GPC6: variants seen among roughly 807,000 people sequenced by gnomAD.
GPC6 encodes the protein glypican-6.
A neutral mutation model predicts 55.2 loss-of-function variants in GPC6; 14 were observed. The observed-to-expected ratio is 0.25, with a 90% confidence interval of 0.17 to 0.40. GPC6 has a LOEUF of 0.40. GPC6 is among the 10% of genes least tolerant of loss of function. The pLI is 1.00. For missense variants in GPC6, 641 were observed against 708.5 expected, an observed-to-expected ratio of 0.90 and a Z score of 1.08; for synonymous variants, 278 against 259.6, an observed-to-expected ratio of 1.07 and a Z score of -0.68.
chr13:93,587,988 T>C (rs1166705729), intron 2 of GPC6, among the ~76,000 whole-genome samples: 4 of 152,196 alleles, frequency 2.6e-5, no homozygotes, highest in South Asian at 2.1e-4. Context: ...TGAACTTCTT[T>C]TAGCCTCCCT....
intron 3 of GPC6, among the ~76,000 whole-genome samples, chr13:94,006,794 G>T (rs1882037141): frequency 6.6e-6 from 1 of 152,118 alleles, no homozygotes; most frequent in Non-Finnish European, 1.5e-5. Context: ...GCATTTTAAG[G>T]AGTAGTTTCA....
intron 4 of GPC6, among the ~76,000 whole-genome samples, chr13:94,217,000 A>G (rs1291505222): frequency 6.6e-6 from 1 of 152,146 alleles, no homozygotes; most frequent in African/African-American, 2.4e-5. Context: ...TCATCGACAA[A>G]ATGGAGATAT....
intron 1 of GPC6, among the ~76,000 whole-genome samples, chr13:93,279,441 G>A (rs1877872508): frequency 6.6e-6 from 1 of 152,202 alleles, no homozygotes; most frequent in African/African-American, 2.4e-5. Flanking sequence ...ATTTGCATAT[G>A]AAAGATTTGT....
At chr13:94,125,375 T>A (rs1000422204) in intron 4 of GPC6, among the ~76,000 whole-genome samples, 1 of 152,108 alleles carries the variant, frequency 6.6e-6, no homozygotes, top group Admixed American at 6.6e-5. Context: ...CGTCTTATGA[T>A]CCTATGAAAG....
chr13:93,381,611 G>A (rs1875170987), intron 1 of GPC6, among the ~76,000 whole-genome samples: 1 of 152,066 alleles, frequency 6.6e-6, no homozygotes, highest in African/African-American at 2.4e-5. Flanking sequence ...CCTTCTGTCT[G>A]GGAACGTGTC....
At chr13:93,664,378 G>A (rs2139617598) in intron 2 of GPC6, among the ~76,000 whole-genome samples, 1 of 152,174 alleles carries the variant, frequency 6.6e-6, no homozygotes, top group Middle Eastern at 3.4e-3. Context: ...TTTAACTTAA[G>A]AAAAGCACAT....
intron 3 of GPC6, among the ~76,000 whole-genome samples, chr13:93,844,922 T>C (rs1888113103): frequency 1.3e-5 from 2 of 152,030 alleles, no homozygotes; most frequent in African/African-American, 4.8e-5. Flanking sequence ...CATTGCTTGT[T>C]TTTCTGAGGT....
At chr13:94,117,976 T>C (rs1460983361) in intron 4 of GPC6, among the ~76,000 whole-genome samples, 3 of 152,130 alleles carry the variant, frequency 2.0e-5, no homozygotes. Context: ...GTTTGAGATA[T>C]GTTTCTGCTT....
chr13:93,359,409 A>G (rs1880968397), intron 1 of GPC6, among the ~76,000 whole-genome samples: 1 of 152,208 alleles, frequency 6.6e-6, no homozygotes, highest in Non-Finnish European at 1.5e-5. Flanking sequence ...CATCTGTAAA[A>G]TGGGATAATC....
intron 4 of GPC6, among the ~76,000 whole-genome samples, chr13:94,164,686 G>T (rs984959829): frequency 2.6e-5 from 4 of 152,156 alleles, no homozygotes; most frequent in African/African-American, 9.7e-5. Context: ...TACAGTGATA[G>T]AGCGGATAAC....
chr13:93,992,805 A>G (rs1274929534), intron 3 of GPC6, among the ~76,000 whole-genome samples: 1 of 152,192 alleles, frequency 6.6e-6, no homozygotes, highest in Admixed American at 6.5e-5. Context: ...ATTTAAAAGG[A>G]CGGTGTATAG....
intron 1 of GPC6, among the ~76,000 whole-genome samples, chr13:93,291,881 C>T (rs753021062): frequency 4.6e-5 from 7 of 151,928 alleles, no homozygotes; most frequent in Non-Finnish European, 7.4e-5. Flanking sequence ...TCCTGTTCAG[C>T]GTTTGTATAT....
intron 2 of GPC6, among the ~76,000 whole-genome samples, chr13:93,704,087 C>G (rs76334581): frequency 1.1e-3 from 166 of 152,072 alleles, no homozygotes; most frequent in African/African-American, 3.7e-3. Flanking sequence ...TCTTTGAGCT[C>G]GAGCCCAATA....
chr13:93,491,842 G>T (rs71429529), intron 1 of GPC6, among the ~76,000 whole-genome samples: 1 of 99,028 alleles, frequency 1.0e-5, no homozygotes, highest in Admixed American at 1.0e-4. Context: ...GGTATGCGGC[G>T]TTATTTCTGA....
At chr13:93,613,085 C>T (rs1265676452) in intron 2 of GPC6, among the ~76,000 whole-genome samples, 1 of 152,134 alleles carries the variant, frequency 6.6e-6, no homozygotes, top group Admixed American at 6.5e-5. Flanking sequence ...CTTATAATGG[C>T]TTTCAAAGGA....
chr13:93,255,336 T>A (rs951707433), intron 1 of GPC6, among the ~76,000 whole-genome samples: 2 of 152,232 alleles, frequency 1.3e-5, no homozygotes, highest in Non-Finnish European at 2.9e-5. Context: ...ATCTTCTTTT[T>A]ATACTAGAAC....
At chr13:93,385,385 C>T (rs1777090328) in intron 1 of GPC6, among the ~76,000 whole-genome samples, 2 of 152,222 alleles carry the variant, frequency 1.3e-5, no homozygotes. Context: ...TAATGGGAAG[C>T]CCTTGATAGG....
intron 1 of GPC6, among the ~76,000 whole-genome samples, chr13:93,479,830 G>A (rs1417489540): frequency 1.3e-5 from 2 of 152,152 alleles, no homozygotes; most frequent in East Asian, 3.9e-4. Context: ...TAATCATACG[G>A]TGTAGTCTTC....
intron 2 of GPC6, among the ~76,000 whole-genome samples, chr13:93,693,838 C>A (rs1395176582): frequency 1.3e-5 from 2 of 152,024 alleles, no homozygotes; most frequent in Admixed American, 1.3e-4. Context: ...AGAAGCAGAG[C>A]TTAGGAGTAC....
Sources: allele counts gnomAD v4.1 joint callset (sites outside exome capture counted in the v4.1 genomes callset), GRCh38; gene constraint gnomAD v4.1.1; transcripts MANE v1.5; gene names NCBI Gene and HGNC (gene_info 2026-07-23, HGNC 2026-07-21).